The following RYR2 variants were observed in gnomAD, a reference collection of about 807,000 sequenced individuals.
The protein encoded by RYR2 is cardiac muscle ryanodine receptor-calcium release channel.
RYR2 carries 227 observed loss-of-function variants against 601.1 expected under a neutral mutation model. The observed-to-expected ratio is 0.38, with a 90% CI of 0.34 to 0.42. The LOEUF (loss-of-function observed/expected upper bound fraction) is 0.42. Ranked by LOEUF, RYR2 falls within the 10% of genes least tolerant of loss-of-function variation. RYR2 has a pLI of 1.00. For synonymous variants in RYR2, 2,223 were observed against 2,175.1 expected, an observed-to-expected ratio of 1.02 and a Z score of -0.61; for missense variants, 4,646 against 6,156.5, an observed-to-expected ratio of 0.75 and a Z score of 8.21.
At chr1:237,771,905 T>C (rs1267208920) in intron 85 of RYR2, 107 bp from the exon 86 acceptor site, 3 of 678,852 alleles carry the variant, frequency 4.4e-6, no homozygotes, top group Admixed American at 2.4e-5. Context: ...AACACTGCAC[T>C]AACCCACAAT....
intron 12 of RYR2, among the ~76,000 whole-genome samples, chr1:237,441,106 T>C (rs919926882): frequency 3.9e-5 from 6 of 152,204 alleles, no homozygotes; most frequent in Admixed American, 1.3e-4. Flanking sequence ...TTAAAAATTT[T>C]ACATTATGGC....
At chr1:237,241,157 T>A (rs1686120775) in intron 1 of RYR2, among the ~76,000 whole-genome samples, 1 of 152,202 alleles carries the variant, frequency 6.6e-6, no homozygotes, top group Non-Finnish European at 1.5e-5. Flanking sequence ...ATAGTTTGAA[T>A]GCAGTGCTCT....
intron 1 of RYR2, among the ~76,000 whole-genome samples, chr1:237,235,715 A>C (rs754357025): frequency 6.6e-6 from 1 of 152,240 alleles, no homozygotes; most frequent in African/African-American, 2.4e-5. Context: ...CAAGTGGTCA[A>C]AGGCAGTGAT....
chr1:237,364,152 A>C (rs1185586598), intron 4 of RYR2, among the ~76,000 whole-genome samples: 1 of 152,100 alleles, frequency 6.6e-6, no homozygotes, highest in Non-Finnish European at 1.5e-5. Context: ...ACATTTTTAA[A>C]GAGTTTTGCT....
At chr1:237,648,012 C>G (rs183862794) in intron 48 of RYR2, among the ~76,000 whole-genome samples, 42 of 152,224 alleles carry the variant, frequency 2.8e-4, no homozygotes, top group African/African-American at 9.1e-4. Context: ...TGTTCTAAGA[C>G]GTGAAAATGT....
chr1:237,501,152 G>A (rs1436800030), intron 21 of RYR2, among the ~76,000 whole-genome samples: 1 of 150,426 alleles, frequency 6.6e-6, no homozygotes, highest in Admixed American at 6.6e-5. Flanking sequence ...TCAAACCAGG[G>A]TCCTGAACTA....
chr1:237,155,179 CTTTT>C (rs11412062), intron 1 of RYR2, among the ~76,000 whole-genome samples: 1 of 127,630 alleles, frequency 7.8e-6, no homozygotes, highest in African/African-American at 2.9e-5. Context: ...TTTTTCTTTT[CTTTT>C]TTTTTTTTTT....
chr1:237,652,074 G>A (rs1196960181), intron 51 of RYR2, among the ~76,000 whole-genome samples: 2 of 152,124 alleles, frequency 1.3e-5, no homozygotes, highest in Admixed American at 1.3e-4. Flanking sequence ...GATAAGCCAA[G>A]ATACTCTTAA....
intron 101 of RYR2, among the ~76,000 whole-genome samples, chr1:237,826,873 C>T (rs1368924186): frequency 6.6e-6 from 1 of 152,144 alleles, no homozygotes; most frequent in Non-Finnish European, 1.5e-5. Context: ...AAGTGCACAG[C>T]TAAACAGGGC....
At chr1:237,283,744 AGATT>A in intron 2 of RYR2, among the ~76,000 whole-genome samples, 1 of 152,358 alleles carries the variant, frequency 6.6e-6, no homozygotes, top group South Asian at 2.1e-4. Flanking sequence ...AATCCTATAT[AGATT>A]GATAATGGTC....
At chr1:237,042,605 G>T (rs1481752259) in intron 1 of RYR2, 36 bp downstream of exon 1, 1 of 1,252,258 alleles carries the variant, frequency 8.0e-7, no homozygotes, top group African/African-American at 1.5e-5. Context: ...GTCAGGGGAA[G>T]GGGGCGTCAG....
rs116331908 is a variant in RYR2 at position 237,539,341 on chromosome 1, C to T, written c.2906+8831C>T. On this transcript the variant is annotated intron_variant, in intron 25 of 104. Coordinates refer to ENST00000366574, the MANE Select transcript of RYR2 (RefSeq NM_001035.3). The stretch of plus-strand genomic sequence containing the variant: ...TTTGTGTAACTATTAGAAATATGGT[C>T]GATTCCTACACGCAACCCTTGGGCT... Among the ~76,000 whole-genome samples, 539 of 152,238 alleles carry T rather than the reference C, an allele frequency of 3.5e-3. 3 individuals carry two copies. The highest frequency in any genetic ancestry group is 0.012 in the African/African-American group (508 of 41,534).
intron 27 of RYR2, among the ~76,000 whole-genome samples, chr1:237,559,645 C>T (rs775367154): frequency 1.1e-4 from 17 of 152,298 alleles, no homozygotes; most frequent in Non-Finnish European, 2.1e-4. Context: ...CCCAACATCT[C>T]GGCCTCCTGA....
At chr1:237,190,187 C>T (rs1428605681) in intron 1 of RYR2, among the ~76,000 whole-genome samples, 1 of 152,162 alleles carries the variant, frequency 6.6e-6, no homozygotes, top group Non-Finnish European at 1.5e-5. Context: ...CCGTGCCCAG[C>T]CATACTGTTT....
At position 237,781,615 on chromosome 1, in the gene RYR2, T is replaced by TATGGTGGTC; in HGVS notation, c.11935_11943dup (p.Val3979_Met3981dup). ...AAGAATTAATGGATCTGCAGAAGGA[T>TATGGTGGTC]ATGGTGGTCATGTTGCTGTCCATGT... On this transcript the variant is annotated inframe_insertion, in exon 89 of 105. Transcript: ENST00000366574. The TATGGTGGTC allele has an allele frequency of 1.3e-6, 2 of 1,594,400 alleles. No homozygotes were observed. Among genetic ancestry groups the TATGGTGGTC allele is most frequent in the Non-Finnish European group, 1.7e-6 (2 of 1,166,786 alleles).
At chr1:237,327,565 T>C (rs962757950) in intron 2 of RYR2, among the ~76,000 whole-genome samples, 2 of 152,200 alleles carry the variant, frequency 1.3e-5, no homozygotes, top group African/African-American at 4.8e-5. Flanking sequence ...TACTGGAACA[T>C]TTTGGATGTT....
chr1:237,148,471 G>A (rs968235984), intron 1 of RYR2, among the ~76,000 whole-genome samples: 5 of 144,202 alleles, frequency 3.5e-5, no homozygotes, highest in African/African-American at 1.0e-4. Context: ...GTATACCTAC[G>A]TAACAAACCT....
At chr1:237,317,829 T>C (rs1212167045) in intron 2 of RYR2, among the ~76,000 whole-genome samples, 1 of 152,180 alleles carries the variant, frequency 6.6e-6, no homozygotes, top group Non-Finnish European at 1.5e-5. Flanking sequence ...TGTGTTCTTT[T>C]ACATTCAACC....
intron 1 of RYR2, among the ~76,000 whole-genome samples, chr1:237,071,948 C>T (rs574895426): frequency 2.6e-5 from 4 of 152,348 alleles, no homozygotes; most frequent in East Asian, 3.9e-4. Context: ...GTCGCGATAG[C>T]GCCCGGGCTC....
Sources: allele counts gnomAD v4.1 joint callset (sites outside exome capture counted in the v4.1 genomes callset), GRCh38; gene constraint gnomAD v4.1.1; transcripts MANE v1.5; gene names NCBI Gene and HGNC (gene_info 2026-07-23, HGNC 2026-07-21).